Variants in COP1 observed in about 807,000 individuals in gnomAD.
COP1 encodes E3 ubiquitin-protein ligase COP1.
Under a neutral mutation model 101.3 loss-of-function variants are expected in COP1, and 24 were observed. The observed-to-expected ratio is 0.24, with a 90% confidence interval of 0.17 to 0.33. The LOEUF is 0.33. Ranked by LOEUF, COP1 falls within the 10% of genes least tolerant of loss-of-function variation. The pLI, the probability that COP1 is intolerant of heterozygous loss-of-function variation, is 1.00. For synonymous variants in COP1, 347 were observed against 341.9 expected (o/e 1.01, Z -0.17); for missense variants, 663 against 906.2 (o/e 0.73, Z 3.45).
At chr1:176,061,296 T>C (rs1433464392) in intron 11 of COP1, among the ~76,000 whole-genome samples, 2 of 152,250 alleles carry the variant, frequency 1.3e-5, no homozygotes, top group Non-Finnish European at 2.9e-5. Flanking sequence ...GATCAAATGA[T>C]GCTAGGAACA....
chr1:176,189,456 GA>G (rs1307287406), intron 1 of COP1, among the ~76,000 whole-genome samples: 2 of 151,460 alleles, frequency 1.3e-5, no homozygotes, highest in African/African-American at 4.9e-5. Context: ...AATACTAAGA[GA>G]AAAAACTTTC....
At chr1:176,121,781 A>G (rs973959091) in intron 8 of COP1, among the ~76,000 whole-genome samples, 1 of 152,180 alleles carries the variant, frequency 6.6e-6, no homozygotes, top group Non-Finnish European at 1.5e-5. Context: ...CAAGGACACA[A>G]ATTTTGTATA....
At chr1:176,036,520 A>AAAAAAAAAAAAAAAAAC (rs1553232075) in intron 14 of COP1, among the ~76,000 whole-genome samples, 2 of 143,764 alleles carry the variant, frequency 1.4e-5, no homozygotes, top group Admixed American at 6.9e-5. Flanking sequence ...AAAAAAAAAA[A>AAAAAAAAAAAAAAAAAC]AAAAAAGCAT....
intron 14 of COP1, among the ~76,000 whole-genome samples, chr1:176,038,066 T>C (rs1489961938): frequency 6.6e-6 from 1 of 152,248 alleles, no homozygotes; most frequent in Non-Finnish European, 1.5e-5. Flanking sequence ...AAGTAATCTA[T>C]ACCTACAGTG....
chr1:176,105,891 A>G (rs1241451078), intron 9 of COP1, among the ~76,000 whole-genome samples: 2 of 152,188 alleles, frequency 1.3e-5, no homozygotes, highest in Non-Finnish European at 2.9e-5. Context: ...CCTTTGCAAA[A>G]TTATGACTAA....
At chr1:176,195,081 TG>T (rs1282458037) in intron 1 of COP1, among the ~76,000 whole-genome samples, 1 of 143,884 alleles carries the variant, frequency 7.0e-6, no homozygotes, top group Non-Finnish European at 1.5e-5. Flanking sequence ...AGTGAGACCC[TG>T]TCTCAAAGAA....
At chr1:175,991,731 T>C (rs1317271809) in intron 15 of COP1, among the ~76,000 whole-genome samples, 1 of 152,220 alleles carries the variant, frequency 6.6e-6, no homozygotes. Context: ...AAAAGCTTTT[T>C]AAACTTTTTT....
intron 8 of COP1, among the ~76,000 whole-genome samples, chr1:176,121,850 T>A (rs1687168548): frequency 6.6e-6 from 1 of 151,888 alleles, no homozygotes; most frequent in South Asian, 2.1e-4. Flanking sequence ...GGCAATATAG[T>A]GTGGCCTTAA....
At chr1:176,171,811 G>A (rs1397469179) in intron 3 of COP1, among the ~76,000 whole-genome samples, 1 of 152,178 alleles carries the variant, frequency 6.6e-6, no homozygotes, top group Non-Finnish European at 1.5e-5. Context: ...CACGGAAATA[G>A]ATTATAAGGA....
intron 11 of COP1, among the ~76,000 whole-genome samples, chr1:176,047,208 C>T (rs1014129158): frequency 3.9e-5 from 6 of 152,062 alleles, no homozygotes; most frequent in African/African-American, 7.2e-5. Context: ...AGAGGTTTAG[C>T]GATAAGAATT....
intron 5 of COP1, among the ~76,000 whole-genome samples, chr1:176,162,088 G>T (rs1190867264): frequency 2.6e-5 from 4 of 152,134 alleles, no homozygotes; most frequent in African/African-American, 9.7e-5. Flanking sequence ...CAGGCATAAG[G>T]GGCACAAAAG....
intron 15 of COP1, among the ~76,000 whole-genome samples, chr1:176,024,936 A>T (rs1667409343): frequency 6.6e-6 from 1 of 152,232 alleles, no homozygotes; most frequent in African/African-American, 2.4e-5. Context: ...TGGCAAAGAT[A>T]GTTAAAAAAG....
chr1:176,125,925 T>C (rs983119591), intron 8 of COP1, among the ~76,000 whole-genome samples: 16 of 152,192 alleles, frequency 1.1e-4, no homozygotes, highest in Non-Finnish European at 8.8e-5. Flanking sequence ...GTTTTCATTA[T>C]AGATATCTTT....
At chr1:176,129,165 C>T (rs1363044426) in intron 8 of COP1, among the ~76,000 whole-genome samples, 7 of 151,564 alleles carry the variant, frequency 4.6e-5, no homozygotes, top group African/African-American at 1.5e-4. Context: ...GATCACTATC[C>T]TACATATATA....
intron 18 of COP1, among the ~76,000 whole-genome samples, chr1:175,959,922 G>A (rs1357933806): frequency 1.3e-5 from 2 of 151,944 alleles, no homozygotes; most frequent in Non-Finnish European, 2.9e-5. Flanking sequence ...CTATTTGGTG[G>A]TTATATCCTC....
At chr1:176,075,637 C>G (rs1193985319) in intron 11 of COP1, among the ~76,000 whole-genome samples, 1 of 152,116 alleles carries the variant, frequency 6.6e-6, no homozygotes, top group East Asian at 1.9e-4. Flanking sequence ...ATATACACAC[C>G]CAACACTGGA....
At chr1:176,180,037 A>G (rs1697536714) in intron 2 of COP1, among the ~76,000 whole-genome samples, 2 of 152,188 alleles carry the variant, frequency 1.3e-5, no homozygotes, top group Non-Finnish European at 2.9e-5. Flanking sequence ...CGTATCTTAG[A>G]GCATCTACTA....
intron 1 of COP1, chr1:176,206,309 T>G: frequency 2.1e-6 from 1 of 485,978 alleles, no homozygotes; most frequent in East Asian, 3.8e-5. Context: ...TCGTCATTCG[T>G]TAAACTCCCT....
intron 18 of COP1, among the ~76,000 whole-genome samples, chr1:175,950,215 A>T (rs760725685): frequency 1.9e-5 from 2 of 103,068 alleles, no homozygotes; most frequent in Admixed American, 1.1e-4. Flanking sequence ...TTTATGTGTT[A>T]AAAAAAAAAA....
Sources: gnomAD v4.1 joint callset for allele counts (sites outside exome capture counted in the v4.1 genomes callset) on GRCh38, gnomAD v4.1.1 for gene constraint, MANE v1.5 for transcripts, NCBI Gene and HGNC (gene_info 2026-07-23, HGNC 2026-07-21) for gene names.